PLB1: variants seen among roughly 807,000 people sequenced by gnomAD.
PLB1 encodes the protein phospholipase B1.
Under a neutral mutation model 227.4 loss-of-function variants are expected in PLB1, and 242 were observed. The ratio of observed to expected loss-of-function variants is 1.06; its 90% confidence interval spans 0.96 to 1.18. The LOEUF (loss-of-function observed/expected upper bound fraction) is 1.18. Among genes scored for constraint, PLB1 ranks in the 50% most tolerant of loss-of-function variants. The pLI, the probability that PLB1 is intolerant of heterozygous loss-of-function variation, is 0.00. For synonymous variants in PLB1, 757 were observed against 682.2 expected (o/e 1.11, Z -1.71); for missense variants, 1,858 against 1,816.3 (o/e 1.02, Z -0.42).
At chr2:28,635,349 C>A (rs566800659) in intron 56 of PLB1, among the ~76,000 whole-genome samples, 4 of 152,310 alleles carry the variant, frequency 2.6e-5, no homozygotes, top group African/African-American at 9.6e-5. Flanking sequence ...AGAGCTGGAA[C>A]AGACTGAGAG....
chr2:28,584,808 G>A (rs1008695876), intron 25 of PLB1, among the ~76,000 whole-genome samples: 5 of 152,168 alleles, frequency 3.3e-5, no homozygotes, highest in African/African-American at 4.8e-5. Context: ...ATAGCTGGCC[G>A]GGTCAGAGCT....
chr2:28,611,107 AAAG>A (rs1163443642), intron 43 of PLB1, among the ~76,000 whole-genome samples: 3 of 152,136 alleles, frequency 2.0e-5, no homozygotes, highest in African/African-American at 4.8e-5. Context: ...AAAAAAAAGA[AAAG>A]AAGGGGAGGG....
At chr2:28,519,656 C>T (rs764484136) in intron 3 of PLB1, 49 bp from the exon 4 acceptor site, 1 of 1,404,678 alleles carries the variant, frequency 7.1e-7, no homozygotes, top group Non-Finnish European at 1.0e-6. Flanking sequence ...TGGCCGACAT[C>T]ATGGGGAATG....
intron 21 of PLB1, among the ~76,000 whole-genome samples, chr2:28,574,362 C>A (rs1678548761): frequency 9.8e-6 from 1 of 102,146 alleles, no homozygotes; most frequent in Non-Finnish European, 1.9e-5. Flanking sequence ...CTCTCTGAGT[C>A]CCCAAAGTCC....
rs755320024 is a variant in PLB1 at position 28,625,031 on chromosome 2, C to T, written c.3528-26C>T. The stretch of plus-strand genomic sequence containing the variant: ...GTCCTCGCTCCTGAGCCGGCACTAA[C>T]GCCCCTCTCTCTACCCCCCACCTAG... On this transcript the variant is annotated intron_variant, in intron 49 of 57. Transcript: ENST00000327757. The T allele has an allele frequency of 9.3e-6, 15 of 1,610,972 alleles. No individual in the cohort carries two copies. In the Admixed American group the frequency reaches 1.3e-4, roughly 14 times the overall value.
At chr2:28,568,191 A>T (rs1558783955) in intron 20 of PLB1, among the ~76,000 whole-genome samples, 1 of 152,222 alleles carries the variant, frequency 6.6e-6, no homozygotes, top group African/African-American at 2.4e-5. Flanking sequence ...GCTATAAATC[A>T]GTTCCTCTAT....
At chr2:28,566,609 G>C in intron 19 of PLB1, 187 bp from the exon 20 acceptor site, 1 of 598,642 alleles carries the variant, frequency 1.7e-6, no homozygotes, top group Non-Finnish European at 3.0e-6. Flanking sequence ...GGATGTGCTG[G>C]CCTATGGGGA....
intron 21 of PLB1, among the ~76,000 whole-genome samples, chr2:28,576,297 A>G (rs1678924657): frequency 1.3e-5 from 2 of 152,250 alleles, no homozygotes; most frequent in Non-Finnish European, 2.9e-5. Context: ...GCTTTATTCC[A>G]GGTCTGACAA....
intron 25 of PLB1, among the ~76,000 whole-genome samples, chr2:28,583,024 A>C (rs1680309627): frequency 2.0e-5 from 3 of 152,154 alleles, no homozygotes; most frequent in Admixed American, 6.5e-5. Context: ...TCCAGAGGAC[A>C]GAGTCCTCCC....
At chr2:28,582,017 A>C in intron 23 of PLB1, 51 bp from the exon 24 acceptor site, 107 of 1,518,916 alleles carry the variant, frequency 7.0e-5, no homozygotes, top group Non-Finnish European at 9.0e-5. Flanking sequence ...CCTGTTCTGT[A>C]GAGAGATTAG....
At chr2:28,566,255 G>GT (rs956030577) in intron 19 of PLB1, among the ~76,000 whole-genome samples, 25 of 151,814 alleles carry the variant, frequency 1.6e-4, no homozygotes, top group African/African-American at 6.1e-4. Flanking sequence ...GGGGTGGGGG[G>GT]GTGTGGAAAA....
chr2:28,598,171 G>A (rs1683272245), intron 34 of PLB1, 123 bp downstream of exon 34: 8 of 786,744 alleles, frequency 1.0e-5, no homozygotes, highest in Non-Finnish European at 1.6e-5. Context: ...CATTTAAGTA[G>A]GAGACAGGAG....
At chr2:28,635,774 C>A (rs1689224439) in intron 56 of PLB1, among the ~76,000 whole-genome samples, 1 of 152,232 alleles carries the variant, frequency 6.6e-6, no homozygotes, top group Non-Finnish European at 1.5e-5. Context: ...GTCTTCTTAT[C>A]TGAAGAAGTT....
rs1682429415 is a variant in PLB1, at chr2:28,593,863, A to G, written c.2321+109A>G. 4 of 968,780 alleles carry G rather than the reference A, an allele frequency of 4.1e-6. No individual in the cohort carries two copies. In the Admixed American group the frequency reaches 6.4e-5, roughly 15 times the overall value. 60.0% of individuals were successfully genotyped at this position (968,780 alleles called of 1,614,324 possible). A position where few individuals can be genotyped will look rare whatever the true frequency, so the allele number is the denominator to read the frequency against. On this transcript the variant is annotated intron_variant, in intron 33 of 57. Transcript: ENST00000327757. The stretch of plus-strand genomic sequence containing the variant: ...CCAGAGGTCGAAGACTTGGTCTGGA[A>G]GGGGCTTTCAGAAAGAAAAAGCTAT...
intron 47 of PLB1, 116 bp from the exon 48 acceptor site, chr2:28,620,484 G>A (rs866781305): frequency 7.2e-7 from 1 of 1,389,184 alleles, no homozygotes; most frequent in Non-Finnish European, 9.9e-7. Flanking sequence ...CCCTGAGGGT[G>A]ATGGGAGAGA....
At chr2:28,635,658 T>C (rs1223269034) in intron 56 of PLB1, among the ~76,000 whole-genome samples, 2 of 139,424 alleles carry the variant, frequency 1.4e-5, no homozygotes, top group East Asian at 1.9e-4. Context: ...TCATCTTATT[T>C]CATCTCCTGC....
Position 28,642,531 on chromosome 2 carries a change from C to T in PLB1, c.4174-327C>T, listed in dbSNP as rs115201292. The stretch of plus-strand genomic sequence containing the variant: ...GGGGACAGTTGTGACCACGAGGAAG[C>T]AGAGGTGGGAGTTCTACAGGCCCCA... On this transcript the variant is annotated intron_variant, in intron 57 of 57. Coordinates refer to ENST00000327757, the MANE Select transcript of PLB1 (RefSeq NM_153021.5). 6.5e-3 allele frequency among the ~76,000 whole-genome samples: 984 copies of T among 152,300 alleles called. 14 individuals carry two copies. Among genetic ancestry groups the T allele is most frequent in the African/African-American group, 0.022 (934 of 41,556 alleles).
At chr2:28,560,470 A>G (rs1675882027) in intron 17 of PLB1, among the ~76,000 whole-genome samples, 2 of 152,184 alleles carry the variant, frequency 1.3e-5, no homozygotes, top group Non-Finnish European at 2.9e-5. Flanking sequence ...GTAATTACAT[A>G]TATAGCAATA....
At chr2:28,586,360 G>C (rs889015908) in intron 26 of PLB1, among the ~76,000 whole-genome samples, 1 of 152,204 alleles carries the variant, frequency 6.6e-6, no homozygotes, top group Admixed American at 6.5e-5. Flanking sequence ...CAAGGAGAAA[G>C]AAAGTCAGGA....
Sources: allele counts gnomAD v4.1 joint callset (sites outside exome capture counted in the v4.1 genomes callset), GRCh38; gene constraint gnomAD v4.1.1; transcripts MANE v1.5; gene names NCBI Gene and HGNC (gene_info 2026-07-23, HGNC 2026-07-21).